The following ABCB1 variants were observed in gnomAD, a reference collection of about 807,000 sequenced individuals.
ABCB1 encodes ATP binding cassette subfamily B member 1, also known as ATP-dependent translocase ABCB1.
A neutral mutation model predicts 142.0 loss-of-function variants in ABCB1; 69 were observed. The ratio of observed to expected loss-of-function variants is 0.49; its 90% CI spans 0.40 to 0.59. The LOEUF is 0.59. Ranked by LOEUF, ABCB1 falls within the 20% of genes least tolerant of loss-of-function variation. ABCB1 has a pLI of 0.00. For synonymous variants in ABCB1, 532 were observed against 539.2 expected (o/e 0.99, Z 0.18); for missense variants, 1,326 against 1,554.7 (o/e 0.85, Z 2.47).
chr7:87,510,918 T>C (rs1814975636), intron 25 of ABCB1, among the ~76,000 whole-genome samples: 1 of 152,192 alleles, frequency 6.6e-6, no homozygotes. Context: ...TCTTGTTAGA[T>C]AAAACACTGT....
chr7:87,707,979 C>T (rs1829756555), intron 1 of ABCB1, among the ~76,000 whole-genome samples: 1 of 151,828 alleles, frequency 6.6e-6, no homozygotes, highest in African/African-American at 2.4e-5. Flanking sequence ...TTGGAAAGTA[C>T]TGATAATGAA....
chr7:87,686,333 T>A (rs1188841598), intron 1 of ABCB1, among the ~76,000 whole-genome samples: 1 of 152,174 alleles, frequency 6.6e-6, no homozygotes, highest in Non-Finnish European at 1.5e-5. Context: ...ACTAATGTCA[T>A]CAAGTCATAA....
At chr7:87,531,073 G>A (rs936996638) in intron 21 of ABCB1, among the ~76,000 whole-genome samples, 33 of 152,178 alleles carry the variant, frequency 2.2e-4, no homozygotes, top group African/African-American at 7.7e-4. Flanking sequence ...CCTGAAAACT[G>A]AAAAAGTCTG....
intron 9 of ABCB1, among the ~76,000 whole-genome samples, chr7:87,551,723 A>G (rs1817080795): frequency 6.6e-6 from 1 of 152,218 alleles, no homozygotes; most frequent in Non-Finnish European, 1.5e-5. Flanking sequence ...TTTTGGAAAT[A>G]TAAATACTTT....
chr7:87,567,039 G>C, intron 5 of ABCB1, 63 bp from the exon 6 acceptor site: 1 of 1,493,536 alleles, frequency 6.7e-7, no homozygotes, highest in Non-Finnish European at 9.3e-7. Flanking sequence ...CTTTTCCAAA[G>C]AGACCACTCA....
At chr7:87,600,217 C>T (rs370361689) in intron 1 of ABCB1, 27 bp from the exon 2 acceptor site, 7 of 1,594,754 alleles carry the variant, frequency 4.4e-6, no homozygotes, top group Non-Finnish European at 6.0e-6. Flanking sequence ...GCTCATTAGC[C>T]AAATGCATGA....
In ABCB1 at chr7:87,570,248, C is replaced by A. The variant is rs2235015; in HGVS notation, c.287-25G>T. ...CCTAGACCACCACAAAACAAACATA[C>A]CATTTATGTCTCTTTAGTCTCCATT... On this transcript the variant is annotated intron_variant, in intron 4 of 27. Coordinates refer to ENST00000622132, the MANE Select transcript of ABCB1 (RefSeq NM_001348946.2). 0.19 allele frequency: 307,361 copies of A among 1,594,280 alleles called. 31,840 individuals are homozygous for A. Among genetic ancestry groups the A allele is most frequent in the African/African-American group, 0.35 (26,396 of 74,448 alleles).
chr7:87,543,272 C>G lies in ABCB1; in HGVS notation c.2211+857G>C, dbSNP rs28381927. The stretch of plus-strand genomic sequence containing the variant: ...TCGCACCACTGCACTCTAGCCTGGG[C>G]GAGAGTGAGCGAGACTCAAAAAATA... On this transcript the variant is annotated intron_variant, in intron 17 of 27. Transcript: ENST00000622132. 7.6e-3 allele frequency among the ~76,000 whole-genome samples: 1,158 copies of G among 152,010 alleles called. 13 individuals carry two copies. The Middle Eastern group carries it at 0.088, about 12-fold the overall frequency.
Position 87,550,201 on chromosome 7 carries a change from C to A in ABCB1, c.1320G>T (p.Met440Ile). The change falls in exon 12 of 28, where the codon ATG (methionine) becomes ATT (isoleucine). Residue 440 changes from methionine (M) to isoleucine (I), a missense_variant. By Grantham distance (10) the Met-to-Ile change is conservative. Transcript: ENST00000622132. Reference protein sequence around the residue: ...GCGKSTTVQLMQRLYDPTEGM... With the variant: ...GCGKSTTVQLIQRLYDPTEGM... ...CCTCTGTGGGGTCATAGAGCCTCTG[C>A]ATCAGCTGGACTGTTGTGCTCTTCC... 1.2e-6 allele frequency: 2 copies of A among 1,614,210 alleles called. No homozygotes were observed. Among genetic ancestry groups the A allele is most frequent in the Non-Finnish European group, 1.7e-6 (2 of 1,180,038 alleles).
chr7:87,587,333 G>A (rs953948903), intron 3 of ABCB1, among the ~76,000 whole-genome samples: 1 of 152,150 alleles, frequency 6.6e-6, no homozygotes, highest in African/African-American at 2.4e-5. Context: ...ATAAAAATAA[G>A]TGGATCATGA....
intron 1 of ABCB1, among the ~76,000 whole-genome samples, chr7:87,607,597 G>T (rs548601301): frequency 2.8e-4 from 43 of 151,910 alleles, no homozygotes; most frequent in Admixed American, 8.5e-4. Context: ...TGTCACCAAG[G>T]TTGAAGCACA....
chr7:87,704,519 G>T (rs1180485379), intron 1 of ABCB1, among the ~76,000 whole-genome samples: 1 of 152,158 alleles, frequency 6.6e-6, no homozygotes, highest in African/African-American at 2.4e-5. Flanking sequence ...TTTGGACCTG[G>T]GTGGACCAAA....
chr7:87,557,567 A>G (rs748235411), intron 8 of ABCB1, among the ~76,000 whole-genome samples: 7 of 152,230 alleles, frequency 4.6e-5, no homozygotes, highest in Non-Finnish European at 8.8e-5. Flanking sequence ...GTAAAATACT[A>G]CTTAGAGCAA....
chr7:87,646,414 T>G (rs983088878), intron 1 of ABCB1, among the ~76,000 whole-genome samples: 5 of 152,202 alleles, frequency 3.3e-5, no homozygotes, highest in African/African-American at 9.6e-5. Context: ...TAGATTTTTA[T>G]TTTTGATGAA....
intron 1 of ABCB1, among the ~76,000 whole-genome samples, chr7:87,628,055 T>C (rs1422187751): frequency 1.3e-5 from 2 of 152,192 alleles, no homozygotes; most frequent in Non-Finnish European, 2.9e-5. Context: ...CGCTGCTTTC[T>C]AGGCAGGCAC....
At chr7:87,711,955 G>C (rs181255716) in intron 1 of ABCB1, among the ~76,000 whole-genome samples, 29 of 152,220 alleles carry the variant, frequency 1.9e-4, no homozygotes, top group African/African-American at 6.5e-4. Context: ...TCATATCTCT[G>C]AGATCTTAAC....
chr7:87,531,871 A>G (rs1257078080), intron 20 of ABCB1, among the ~76,000 whole-genome samples: 1 of 152,196 alleles, frequency 6.6e-6, no homozygotes, highest in Admixed American at 6.6e-5. Flanking sequence ...TATTATTTGT[A>G]ATTTAAGCCT....
intron 1 of ABCB1, among the ~76,000 whole-genome samples, chr7:87,636,153 G>A (rs930687100): frequency 1.3e-5 from 2 of 152,172 alleles, no homozygotes; most frequent in African/African-American, 2.4e-5. Flanking sequence ...CAGTAGATGT[G>A]AAAGTTTTCA....
chr7:87,647,662 T>C (rs1227935632), intron 1 of ABCB1, among the ~76,000 whole-genome samples: 3 of 152,198 alleles, frequency 2.0e-5, no homozygotes, highest in African/African-American at 4.8e-5. Flanking sequence ...TGGTTTCAAT[T>C]TGAATTACCA....
Sources: allele counts gnomAD v4.1 joint callset (sites outside exome capture counted in the v4.1 genomes callset), GRCh38; gene constraint gnomAD v4.1.1; transcripts MANE v1.5; gene names NCBI Gene and HGNC (gene_info 2026-07-23, HGNC 2026-07-21).